NSUN3: variants seen among roughly 807,000 people sequenced by gnomAD.
NSUN3 encodes the protein tRNA (cytosine(34)-C(5))-methyltransferase, mitochondrial.
Under a neutral mutation model 36.8 loss-of-function variants are expected in NSUN3, and 24 were observed. The observed-to-expected ratio is 0.65, with a 90% CI of 0.47 to 0.92. The LOEUF (loss-of-function observed/expected upper bound fraction) is 0.92. Ranked by LOEUF, NSUN3 falls within the 40% of genes least tolerant of loss-of-function variation. NSUN3 has a pLI of 0.00. For missense variants in NSUN3, 381 were observed against 392.8 expected (o/e 0.97, Z 0.25); for synonymous variants, 146 against 145.2 (o/e 1.01, Z -0.04).
intron 2 of NSUN3, among the ~76,000 whole-genome samples, chr3:94,075,041 T>C (rs541405045): frequency 7.5e-4 from 114 of 152,352 alleles, no homozygotes; most frequent in African/African-American, 2.7e-3. Flanking sequence ...TCAAGGTCTT[T>C]TCTGCATCTA....
chr3:94,109,895 A>G (rs2077408877), intron 5 of NSUN3, among the ~76,000 whole-genome samples: 1 of 152,232 alleles, frequency 6.6e-6, no homozygotes, highest in African/African-American at 2.4e-5. Context: ...TTCAGAATTC[A>G]TTGTTCCCTT....
chr3:94,076,539 C>G lies in NSUN3; in HGVS notation c.123-7568C>G, dbSNP rs138312079. 1.8e-4 allele frequency: 147 copies of G among 800,762 alleles called. 1 individual carries two copies. The highest frequency in any genetic ancestry group is 3.5e-4 in the Middle Eastern group (1 of 2,834). 49.6% of individuals were successfully genotyped at this position (800,762 alleles called of 1,614,324 possible). A position where few individuals can be genotyped will look rare whatever the true frequency, so the allele number is the denominator to read the frequency against. On this transcript the variant is annotated intron_variant, in intron 2 of 5. Transcript: ENST00000314622. The stretch of plus-strand genomic sequence containing the variant: ...ATGGTCTTTGCATCCACCACATTTC[C>G]CTCCTTTGGAACAGCACTGATGTCC...
intron 3 of NSUN3, among the ~76,000 whole-genome samples, chr3:94,092,546 A>G (rs1315979527): frequency 1.3e-5 from 2 of 152,032 alleles, no homozygotes; most frequent in Admixed American, 6.6e-5. Context: ...GTGCTTTAAG[A>G]TGATTTTCTA....
intron 5 of NSUN3, among the ~76,000 whole-genome samples, chr3:94,119,558 C>T (rs2077453325): frequency 6.6e-6 from 1 of 152,016 alleles, no homozygotes; most frequent in Admixed American, 6.6e-5. Context: ...TCCTGCTGTG[C>T]AGCTGGGTTC....
intron 2 of NSUN3, among the ~76,000 whole-genome samples, chr3:94,072,137 T>C (rs908639695): frequency 3.3e-5 from 5 of 152,190 alleles, no homozygotes; most frequent in African/African-American, 9.7e-5. Flanking sequence ...GCTGATTTCA[T>C]TGTTAGACAG....
rs187920228 is a variant in NSUN3, at chr3:94,118,984, A to G, written c.744-7227A>G. 3.2e-3 allele frequency among the ~76,000 whole-genome samples: 484 copies of G among 152,208 alleles called. 3 individuals carry two copies. Among genetic ancestry groups the G allele is most frequent in the African/African-American group, 0.011 (453 of 41,534 alleles). ...TGCTCCCCCAAACAACCCTTCTCAC[A>G]TCCTGCCATCTAACTGTTGTAAAAA... On this transcript the variant is annotated intron_variant, in intron 5 of 5. Coordinates refer to ENST00000314622, the MANE Select transcript of NSUN3 (RefSeq NM_022072.5).
intron 5 of NSUN3, among the ~76,000 whole-genome samples, chr3:94,102,756 TA>T (rs2077371194): frequency 6.6e-6 from 1 of 152,172 alleles, no homozygotes; most frequent in African/African-American, 2.4e-5. Context: ...CTATAATTTG[TA>T]ACTATTATAT....
At chr3:94,107,294 G>T (rs2077393769) in intron 5 of NSUN3, among the ~76,000 whole-genome samples, 1 of 151,964 alleles carries the variant, frequency 6.6e-6, no homozygotes, top group Non-Finnish European at 1.5e-5. Flanking sequence ...TTGTTGTTTT[G>T]TTTTTGTTGT....
chr3:94,108,310 C>A (rs546843499), intron 5 of NSUN3, among the ~76,000 whole-genome samples: 70 of 152,232 alleles, frequency 4.6e-4, no homozygotes, highest in Non-Finnish European at 8.5e-4. Context: ...ACTGAAAATT[C>A]TCTTCCTGAC....
chr3:94,101,781 A>G (rs2107260912), intron 5 of NSUN3, among the ~76,000 whole-genome samples: 1 of 152,318 alleles, frequency 6.6e-6, no homozygotes, highest in African/African-American at 2.4e-5. Flanking sequence ...ATATAATCAA[A>G]TTCTTTTGCC....
chr3:94,069,259 T>C (rs1192424062), intron 2 of NSUN3, among the ~76,000 whole-genome samples: 1 of 152,214 alleles, frequency 6.6e-6, no homozygotes. Context: ...TTCTGTGAGA[T>C]ACAAGGAAGA....
At chr3:94,073,512 G>T (rs1360151960) in intron 2 of NSUN3, among the ~76,000 whole-genome samples, 1 of 152,148 alleles carries the variant, frequency 6.6e-6, no homozygotes, top group Non-Finnish European at 1.5e-5. Flanking sequence ...GTGTGAGATG[G>T]TATTTCATTG....
chr3:94,128,279 G>C lies in NSUN3; in HGVS notation c.*1789G>C, dbSNP rs577899399. The C allele has an allele frequency of 1.3e-5, 2 of 151,938 alleles. No homozygotes were observed. Among genetic ancestry groups the C allele is most frequent in the Non-Finnish European group, 2.9e-5 (2 of 67,956 alleles). The allele number at this position is 151,938 out of a possible 1,614,324, so 9.4% of individuals were successfully genotyped here. The stretch of plus-strand genomic sequence containing the variant: ...AAAATAAAGTAACGCTAGAACTGTT[G>C]GACCAAATCAAGTATATGGGTAAAT... On this transcript the variant is annotated 3_prime_UTR_variant, in exon 6 of 6. Transcript: ENST00000314622.
chr3:94,077,163 C>G (rs1396950773), intron 2 of NSUN3: 1 of 718,824 alleles, frequency 1.4e-6, no homozygotes, highest in East Asian at 2.6e-5. Context: ...AGGCTGCTTC[C>G]TTGTCAGTCA....
chr3:94,121,089 T>G (rs1168511992), intron 5 of NSUN3, among the ~76,000 whole-genome samples: 1 of 152,180 alleles, frequency 6.6e-6, no homozygotes, highest in African/African-American at 2.4e-5. Context: ...TGCCACAAAT[T>G]TAGTGGCTTT....
Position 94,076,482 on chromosome 3 carries a change from C to T in NSUN3, c.123-7625C>T. ...GACTTATGGAACAGATGCCAGGAAA[C>T]ATCTTCTACTACTACTGTATGCCCT... is the stretch of plus-strand genomic sequence containing the variant. On this transcript the variant is annotated intron_variant, in intron 2 of 5. Coordinates refer to ENST00000314622, the MANE Select transcript of NSUN3 (RefSeq NM_022072.5). The T allele has an allele frequency of 2.5e-6, 2 of 786,646 alleles. 1 individual carries two copies. Among genetic ancestry groups the T allele is most frequent in the Admixed American group, 3.4e-5 (2 of 58,988 alleles). The allele number at this position is 786,646 out of a possible 1,614,324, so 48.7% of individuals were successfully genotyped here.
chr3:94,068,394 C>G (rs2077213411), intron 2 of NSUN3, among the ~76,000 whole-genome samples: 1 of 152,106 alleles, frequency 6.6e-6, no homozygotes, highest in South Asian at 2.1e-4. Context: ...GTTTTATCGT[C>G]ATAATTTACT....
At chr3:94,121,000 T>C (rs1309813288) in intron 5 of NSUN3, among the ~76,000 whole-genome samples, 2 of 152,056 alleles carry the variant, frequency 1.3e-5, no homozygotes, top group African/African-American at 4.8e-5. Flanking sequence ...TGTGTTGCTG[T>C]AAAAACAAAA....
intron 2 of NSUN3, chr3:94,076,847 C>A: frequency 6.4e-7 from 1 of 1,572,022 alleles, no homozygotes; most frequent in Admixed American, 1.7e-5. Flanking sequence ...ACTAACTGAA[C>A]CAAAACCTCC....
Sources: allele counts gnomAD v4.1 joint callset (sites outside exome capture counted in the v4.1 genomes callset), GRCh38; gene constraint gnomAD v4.1.1; transcripts MANE v1.5; gene names NCBI Gene and HGNC (gene_info 2026-07-23, HGNC 2026-07-21).